Variants in LSAMP observed in about 807,000 individuals in gnomAD.
LSAMP encodes limbic system associated membrane protein, also known as limbic system-associated membrane protein.
A neutral mutation model predicts 38.6 loss-of-function variants in LSAMP; 7 were observed. The ratio of observed to expected loss-of-function variants is 0.18; its 90% CI spans 0.10 to 0.34. The LOEUF is 0.34. Among genes scored for constraint, LSAMP ranks in the 10% least tolerant of loss-of-function variants. The pLI, the probability that LSAMP is intolerant of heterozygous loss-of-function variation, is 1.00. For missense variants in LSAMP, 313 were observed against 420.0 expected, an observed-to-expected ratio of 0.75 and a Z score of 2.23; for synonymous variants, 154 against 166.8, an observed-to-expected ratio of 0.92 and a Z score of 0.59.
chr3:116,423,612 G>A (rs1466914383), intron 1 of LSAMP, among the ~76,000 whole-genome samples: 1 of 152,088 alleles, frequency 6.6e-6, no homozygotes, highest in African/African-American at 2.4e-5. Flanking sequence ...TTCAGCTCAG[G>A]AACAGAAAAT....
intron 3 of LSAMP, among the ~76,000 whole-genome samples, chr3:115,872,961 G>A (rs1021014393): frequency 8.5e-5 from 13 of 152,106 alleles, no homozygotes; most frequent in African/African-American, 2.9e-4. Context: ...AAACATATAT[G>A]ATACATACAT....
intron 1 of LSAMP, among the ~76,000 whole-genome samples, chr3:116,199,644 G>A: frequency 6.6e-6 from 1 of 152,174 alleles, no homozygotes; most frequent in East Asian, 1.9e-4. Context: ...GAAGTAGAAT[G>A]AAGACAAGAC....
At chr3:116,142,881 C>T (rs1709403688) in intron 1 of LSAMP, among the ~76,000 whole-genome samples, 1 of 151,842 alleles carries the variant, frequency 6.6e-6, no homozygotes, top group African/African-American at 2.4e-5. Flanking sequence ...TGAACCACAA[C>T]TTTTCACAAA....
At chr3:116,010,833 G>A (rs1940303390) in intron 3 of LSAMP, among the ~76,000 whole-genome samples, 1 of 152,098 alleles carries the variant, frequency 6.6e-6, no homozygotes, top group Non-Finnish European at 1.5e-5. Flanking sequence ...ATTCACTCAT[G>A]GTTTATTATC....
At chr3:116,012,480 G>A (rs1302912762) in intron 3 of LSAMP, among the ~76,000 whole-genome samples, 1 of 152,150 alleles carries the variant, frequency 6.6e-6, no homozygotes, top group Non-Finnish European at 1.5e-5. Context: ...TAACCAGACT[G>A]TGGGAAAACT....
At position 115,918,612 on chromosome 3, in the gene LSAMP, G is replaced by A. The variant is rs998060218; in HGVS notation, c.515-65995C>T. ...TGGCCCTGACTATGGCTTTGGCTGAGTGATGATGAACTGCAACTCTCAGTG... is the reference window on the plus strand; with the variant it reads ...TGGCCCTGACTATGGCTTTGGCTGAATGATGATGAACTGCAACTCTCAGTG... On this transcript the variant is annotated intron_variant, in intron 3 of 6. Coordinates refer to ENST00000490035, the MANE Select transcript of LSAMP (RefSeq NM_002338.5). Among the ~76,000 whole-genome samples, 3 of 152,098 alleles carry A rather than the reference G, an allele frequency of 2.0e-5. No homozygotes were observed. The East Asian group carries it at 5.8e-4, about 29-fold the overall frequency.
rs1033162688 is a variant in LSAMP at position 116,162,674 on chromosome 3, G to A, written c.156-76118C>T. ...TATATATATATAGTGGCTCTTCACT[G>A]GTTCTCTCTCTCTCTCTCTCTATAT... On this transcript the variant is annotated intron_variant, in intron 1 of 6. Coordinates refer to ENST00000490035, the MANE Select transcript of LSAMP (RefSeq NM_002338.5). Among the ~76,000 whole-genome samples the A allele has an allele frequency of 1.7e-4, 24 of 142,134 alleles. No individual in the cohort carries two copies. In the Admixed American group the frequency reaches 1.7e-3, roughly 10 times the overall value. The allele number at this position is 142,134 out of a possible 152,430, so 93.2% of individuals were successfully genotyped here.
intron 1 of LSAMP, among the ~76,000 whole-genome samples, chr3:116,367,789 TAGA>T (rs2048374567): frequency 6.6e-6 from 1 of 151,892 alleles, no homozygotes; most frequent in South Asian, 2.1e-4. Context: ...GATTACAGGC[TAGA>T]GCCACCATGC....
intron 1 of LSAMP, among the ~76,000 whole-genome samples, chr3:116,115,669 A>C (rs6782437): frequency 0.077 from 11,687 of 151,786 alleles, 1,460 homozygotes; most frequent in African/African-American, 0.27. Context: ...AAGGCAAAAA[A>C]CAAAAAACAA....
At chr3:115,868,721 T>C (rs1205899433) in intron 3 of LSAMP, among the ~76,000 whole-genome samples, 4 of 152,156 alleles carry the variant, frequency 2.6e-5, no homozygotes, top group Non-Finnish European at 5.9e-5. Flanking sequence ...ATCAAAACCA[T>C]AAAGATTTAA....
chr3:116,081,407 C>CGGT (rs1428574036), intron 2 of LSAMP, among the ~76,000 whole-genome samples: 1 of 151,390 alleles, frequency 6.6e-6, no homozygotes, highest in Non-Finnish European at 1.5e-5. Flanking sequence ...TGAGCCAAGA[C>CGGT]GGTGCCACTG....
chr3:116,067,406 A>G (rs552693045), intron 2 of LSAMP, among the ~76,000 whole-genome samples: 1 of 152,338 alleles, frequency 6.6e-6, no homozygotes, highest in African/African-American at 2.4e-5. Context: ...GAGGCACTCA[A>G]GCAGTAAGGC....
At chr3:115,872,052 C>A (rs553632042) in intron 3 of LSAMP, among the ~76,000 whole-genome samples, 38 of 152,194 alleles carry the variant, frequency 2.5e-4, no homozygotes, top group Admixed American at 4.6e-4. Context: ...CTCAGCATTT[C>A]CCTTTTTATC....
At chr3:116,385,853 G>T (rs1436777527) in intron 1 of LSAMP, among the ~76,000 whole-genome samples, 1 of 152,022 alleles carries the variant, frequency 6.6e-6, no homozygotes, top group African/African-American at 2.4e-5. Flanking sequence ...TAGTAGGTAT[G>T]TGTATATTAA....
intron 1 of LSAMP, among the ~76,000 whole-genome samples, chr3:116,359,368 A>G (rs1440646955): frequency 6.6e-6 from 1 of 152,218 alleles, no homozygotes; most frequent in Non-Finnish European, 1.5e-5. Flanking sequence ...AAAAAAATGC[A>G]TAGGCTTGGC....
chr3:115,825,417 C>A (rs1035870076), intron 6 of LSAMP, among the ~76,000 whole-genome samples: 11 of 152,170 alleles, frequency 7.2e-5, no homozygotes, highest in African/African-American at 2.7e-4. Flanking sequence ...GGTCCTTGTG[C>A]AACTCTCTGA....
chr3:115,827,807 G>T (rs1934473948), intron 6 of LSAMP, among the ~76,000 whole-genome samples: 1 of 152,088 alleles, frequency 6.6e-6, no homozygotes, highest in Non-Finnish European at 1.5e-5. Flanking sequence ...CCTTAAATTG[G>T]AATTCCAAAC....
intron 3 of LSAMP, among the ~76,000 whole-genome samples, chr3:115,938,575 T>C (rs1466453187): frequency 6.6e-6 from 1 of 152,202 alleles, no homozygotes; most frequent in African/African-American, 2.4e-5. Context: ...ACCAATCCAC[T>C]CCGTCTTTGG....
intron 3 of LSAMP, among the ~76,000 whole-genome samples, chr3:115,890,142 A>T (rs1446980839): frequency 2.6e-5 from 4 of 152,072 alleles, no homozygotes; most frequent in South Asian, 2.1e-4. Context: ...GGTTGGTTAA[A>T]ATAAGATTTT....
Sources: allele counts gnomAD v4.1 joint callset (sites outside exome capture counted in the v4.1 genomes callset), GRCh38; gene constraint gnomAD v4.1.1; transcripts MANE v1.5; gene names NCBI Gene and HGNC (gene_info 2026-07-23, HGNC 2026-07-21).